The following CDADC1 variants were observed in gnomAD, a reference collection of about 807,000 sequenced individuals.
CDADC1 encodes dCTP deaminase.
Under a neutral mutation model 54.9 loss-of-function variants are expected in CDADC1, and 39 were observed. That is an observed-to-expected ratio of 0.71 (90% CI 0.55 to 0.93). The LOEUF is 0.93. Ranked by LOEUF, CDADC1 falls within the 40% of genes least tolerant of loss-of-function variation. The probability of loss-of-function intolerance (pLI) is 0.00; values close to 1 mark genes in which losing one functional copy is unlikely to be tolerated. For synonymous variants in CDADC1, 186 were observed against 204.0 expected (o/e 0.91, Z 0.75); for missense variants, 518 against 618.8 (o/e 0.84, Z 1.73).
At chr13:49,286,089 C>A (rs1017795991) in intron 8 of CDADC1, 133 bp from the exon 9 acceptor site, 6 of 664,178 alleles carry the variant, frequency 9.0e-6, no homozygotes, top group East Asian at 2.8e-5. Context: ...GCTGGGATTA[C>A]AGGTGTGACC....
rs940880728 is a variant in CDADC1, at chr13:49,291,988, A to T, written c.*231A>T. 2.4e-6 allele frequency: 3 copies of T among 1,261,014 alleles called. No individual in the cohort carries two copies. The highest frequency in any genetic ancestry group is 3.0e-5 in the African/African-American group (2 of 65,740). The allele number at this position is 1,261,014 out of a possible 1,614,324, so 78.1% of individuals were successfully genotyped here. A position where few individuals can be genotyped will look rare whatever the true frequency, so the allele number is the denominator to read the frequency against. On this transcript the variant is annotated 3_prime_UTR_variant, in exon 10 of 10. Coordinates refer to ENST00000251108, the MANE Select transcript of CDADC1 (RefSeq NM_030911.4). ...GTGTGTTATTTTATTACACGAAATG[A>T]GGGAGCAATAACTTCAACCAATGTA... is the stretch of plus-strand genomic sequence containing the variant.
chr13:49,258,377 CA>C, intron 3 of CDADC1, among the ~76,000 whole-genome samples: 1 of 152,210 alleles, frequency 6.6e-6, no homozygotes, highest in Non-Finnish European at 1.5e-5. Flanking sequence ...TTCCTTACTT[CA>C]GAGGCTTTTG....
intron 9 of CDADC1, among the ~76,000 whole-genome samples, chr13:49,288,955 G>C (rs928002511): frequency 6.6e-6 from 1 of 152,106 alleles, no homozygotes; most frequent in Non-Finnish European, 1.5e-5. Flanking sequence ...GAGCTATCCT[G>C]GGGACAAATG....
chr13:49,274,539 C>T (rs915579136), intron 6 of CDADC1, among the ~76,000 whole-genome samples, 199 bp downstream of exon 6: 2 of 151,328 alleles, frequency 1.3e-5, no homozygotes, highest in Admixed American at 6.6e-5. Context: ...GGCGTGGTGG[C>T]GGGTGCCTGT....
intron 2 of CDADC1, among the ~76,000 whole-genome samples, chr13:49,251,401 AAAAAAAAAAG>A (rs1952429669): frequency 6.9e-6 from 1 of 145,076 alleles, no homozygotes; most frequent in Admixed American, 6.8e-5. Context: ...AAAAAAAAAG[AAAAAAAAAAG>A]AAAAAAAAAC....
chr13:49,251,504 G>A (rs73481307), intron 2 of CDADC1, among the ~76,000 whole-genome samples: 100 of 151,554 alleles, frequency 6.6e-4, no homozygotes, highest in African/African-American at 2.3e-3. Flanking sequence ...ATGTGATCTC[G>A]TTTTAGTTCT....
At chr13:49,261,656 G>C (rs969252333) in intron 4 of CDADC1, among the ~76,000 whole-genome samples, 1 of 152,218 alleles carries the variant, frequency 6.6e-6, no homozygotes, top group Non-Finnish European at 1.5e-5. Context: ...ATACAGAAAT[G>C]AAAGAATGTG....
chr13:49,278,443 G>C lies in CDADC1; in HGVS notation c.1144G>C (p.Asp382His). The C allele has an allele frequency of 6.2e-7, 1 of 1,604,454 alleles. No individual in the cohort carries two copies. The highest frequency in any genetic ancestry group is 8.5e-7 in the Non-Finnish European group (1 of 1,172,880). ...GSEYADFPHM[D>H]DKQKDREIRK... is the part of the protein sequence containing the mutation. Reference sequence around the variant, plus strand: ...TGAGTATGCTGACTTCCCACACATGGATGACAAGCAGAAAGACAGAGAAAT... The same window carrying C: ...TGAGTATGCTGACTTCCCACACATGCATGACAAGCAGAAAGACAGAGAAAT... Residue 382 changes from aspartate (D) to histidine (H), a missense_variant, in exon 7 of 10, where the codon GAT (aspartate) becomes CAT (histidine). Physicochemically the swap from Asp to His is moderately conservative, Grantham distance 81. Coordinates refer to ENST00000251108, the MANE Select transcript of CDADC1 (RefSeq NM_030911.4).
chr13:49,256,427 G>C (rs1952550323), intron 3 of CDADC1, among the ~76,000 whole-genome samples: 1 of 152,226 alleles, frequency 6.6e-6, no homozygotes, highest in Non-Finnish European at 1.5e-5. Context: ...GCAGCCATCT[G>C]TGCCCATTTG....
chr13:49,282,955 A>G (rs1953392751), intron 8 of CDADC1, among the ~76,000 whole-genome samples: 1 of 152,244 alleles, frequency 6.6e-6, no homozygotes, highest in South Asian at 2.1e-4. Context: ...GACTGCTTTT[A>G]TATAGCAAAA....
chr13:49,290,111 T>C (rs961041238), intron 9 of CDADC1, among the ~76,000 whole-genome samples: 20 of 151,802 alleles, frequency 1.3e-4, no homozygotes, highest in Admixed American at 3.9e-4. Context: ...AGTAAAGTTA[T>C]TGTTAAGAAG....
At chr13:49,251,084 A>G (rs1027743048) in intron 2 of CDADC1, among the ~76,000 whole-genome samples, 8 of 152,022 alleles carry the variant, frequency 5.3e-5, no homozygotes, top group Non-Finnish European at 1.2e-4. Flanking sequence ...ATTTATTTTG[A>G]AGAGCCAGAT....
intron 5 of CDADC1, among the ~76,000 whole-genome samples, chr13:49,273,738 A>AATGG (rs1953029294): frequency 6.6e-6 from 1 of 151,746 alleles, no homozygotes; most frequent in Non-Finnish European, 1.5e-5. Flanking sequence ...ACTTTCTAGC[A>AATGG]ATAGATAGAT....
At chr13:49,255,749 A>G (rs1952528677) in intron 2 of CDADC1, 90 bp from the exon 3 acceptor site, 1 of 1,530,504 alleles carries the variant, frequency 6.5e-7, no homozygotes, top group Admixed American at 2.1e-5. Flanking sequence ...GGTCAAAGCC[A>G]AGGAAGCCAG....
intron 8 of CDADC1, among the ~76,000 whole-genome samples, chr13:49,285,378 C>A (rs1480227746): frequency 6.6e-6 from 1 of 151,964 alleles, no homozygotes; most frequent in African/African-American, 2.4e-5. Flanking sequence ...CGGGGTTTCA[C>A]CTTGTTAGCC....
chr13:49,270,610 A>G (rs370552773), intron 5 of CDADC1, among the ~76,000 whole-genome samples: 40 of 152,344 alleles, frequency 2.6e-4, no homozygotes, highest in Admixed American at 4.6e-4. Flanking sequence ...TAATACATAC[A>G]GAGTGAAAAA....
At chr13:49,255,786 G>C in intron 2 of CDADC1, 53 bp from the exon 3 acceptor site, 1 of 1,588,654 alleles carries the variant, frequency 6.3e-7, no homozygotes, top group Non-Finnish European at 8.6e-7. Flanking sequence ...TATTGAATTA[G>C]TCATATGTCT....
chr13:49,255,367 A>G (rs1220168564), intron 2 of CDADC1, among the ~76,000 whole-genome samples: 1 of 152,230 alleles, frequency 6.6e-6, no homozygotes, highest in Non-Finnish European at 1.5e-5. Flanking sequence ...TTGCCATGTA[A>G]CAAAACATAG....
At chr13:49,265,575 A>G (rs1482589913) in intron 4 of CDADC1, among the ~76,000 whole-genome samples, 1 of 152,146 alleles carries the variant, frequency 6.6e-6, no homozygotes, top group Non-Finnish European at 1.5e-5. Flanking sequence ...AAACAATCTC[A>G]TTCTTACAAA....
Sources: allele counts gnomAD v4.1 joint callset (sites outside exome capture counted in the v4.1 genomes callset), GRCh38; gene constraint gnomAD v4.1.1; transcripts MANE v1.5; gene names NCBI Gene and HGNC (gene_info 2026-07-23, HGNC 2026-07-21).